The following POLA2 variants were observed in gnomAD, a reference collection of about 807,000 sequenced individuals.
POLA2 encodes the protein DNA polymerase alpha 2, accessory subunit.
POLA2 carries 47 observed loss-of-function variants against 82.8 expected under a neutral mutation model. That is an observed-to-expected ratio of 0.57 (90% CI 0.45 to 0.72). The LOEUF (loss-of-function observed/expected upper bound fraction) is 0.72, where lower values mean the gene tolerates loss of function less well. POLA2 is among the 30% of genes least tolerant of loss of function. The pLI is 0.00. For missense variants in POLA2, 634 were observed against 728.1 expected (o/e 0.87, Z 1.49); for synonymous variants, 287 against 286.8 (o/e 1.00, Z -0.01).
chr11:65,285,038 C>T (rs949183345), intron 10 of POLA2, among the ~76,000 whole-genome samples: 3 of 151,828 alleles, frequency 2.0e-5, no homozygotes, highest in South Asian at 2.1e-4. Context: ...CTCATGCTGG[C>T]GCAGGAGGAT....
Position 65,268,684 on chromosome 11 carries a change from A to C in POLA2, c.309A>C (p.Glu103Asp). 6.3e-7 allele frequency: 1 copy of C among 1,598,098 alleles called. No individual in the cohort carries two copies. Among genetic ancestry groups the C allele is most frequent in the Non-Finnish European group, 8.5e-7 (1 of 1,170,902 alleles). ...IVSIQELIEVEEEEEILLNSY... is the reference protein window; with the variant it reads ...IVSIQELIEVDEEEEILLNSY... ...CCAGTGTTCTTAGAATTGAAGTGGA[A>C]GAAGAAGAGGAAATCCTCTTGAACT... The change falls in exon 4 of 18, where the codon GAA becomes GAC. Residue 103 changes from glutamate (E) to aspartate (D), a missense_variant. Coordinates refer to ENST00000265465, the MANE Select transcript of POLA2 (RefSeq NM_002689.4).
At chr11:65,271,347 TC>T (rs1298043343) in intron 4 of POLA2, among the ~76,000 whole-genome samples, 2 of 152,180 alleles carry the variant, frequency 1.3e-5, no homozygotes, top group African/African-American at 2.4e-5. Flanking sequence ...GCTTCACAGA[TC>T]CAGAATTTTA....
rs4930289 is a variant in POLA2 at position 65,286,998 on chromosome 11, T to C, written c.1007-718T>C. 8.9e-3 allele frequency among the ~76,000 whole-genome samples: 1,359 copies of C among 152,252 alleles called. 51 individuals are homozygous for C. In the East Asian group the frequency reaches 0.1, roughly 12 times the overall value. Reference sequence around the variant, plus strand: ...CTCAGCTGGAATAGGTTAGCTCTAATCTTTTTTCTCTCCTTGGATCGTTCA... The same window carrying C: ...CTCAGCTGGAATAGGTTAGCTCTAACCTTTTTTCTCTCCTTGGATCGTTCA... On this transcript the variant is annotated intron_variant, in intron 10 of 17. Transcript: ENST00000265465.
At chr11:65,274,250 G>T (rs1425797394) in intron 4 of POLA2, among the ~76,000 whole-genome samples, 1 of 151,990 alleles carries the variant, frequency 6.6e-6, no homozygotes, top group Non-Finnish European at 1.5e-5. Context: ...TACTCAAGAG[G>T]CTGAGGCCAG....
intron 4 of POLA2, among the ~76,000 whole-genome samples, chr11:65,270,246 G>A (rs921179898): frequency 1.3e-5 from 2 of 152,242 alleles, no homozygotes; most frequent in Non-Finnish European, 2.9e-5. Flanking sequence ...GCTGGGTGCA[G>A]TGGCTCATGC....
chr11:65,302,257 C>T (rs554933458), downstream of POLA2, among the ~76,000 whole-genome samples: 5 of 152,318 alleles, frequency 3.3e-5, no homozygotes, highest in African/African-American at 1.2e-4. Flanking sequence ...TGAGCATTTT[C>T]GTGCTGAGTC....
intron 1 of POLA2, among the ~76,000 whole-genome samples, chr11:65,263,368 C>T (rs539012141): frequency 3.9e-5 from 6 of 151,936 alleles, no homozygotes; most frequent in Admixed American, 1.3e-4. Context: ...TACAGGCGCC[C>T]GCCACCAGGC....
At chr11:65,279,701 C>A in intron 7 of POLA2, 75 bp downstream of exon 7, 1 of 1,022,458 alleles carries the variant, frequency 9.8e-7, no homozygotes, top group Non-Finnish European at 1.5e-6. Context: ...ATCCTTCTTG[C>A]TTCCTTTTTC....
Position 65,264,713 on chromosome 11 carries a change from G to A in POLA2, c.80-1869G>A, listed in dbSNP as rs112610670. ...TCCTATTATAATGAATAAGCTTTCCGTATTCCTAGCAAAATCCAAGTCCTC... is the reference window on the plus strand; with the variant it reads ...TCCTATTATAATGAATAAGCTTTCCATATTCCTAGCAAAATCCAAGTCCTC... On this transcript the variant is annotated intron_variant, in intron 1 of 17. Coordinates refer to ENST00000265465, the MANE Select transcript of POLA2 (RefSeq NM_002689.4). Among the ~76,000 whole-genome samples the A allele has an allele frequency of 2.0e-3, 310 of 152,264 alleles. 2 individuals are homozygous for A. The highest frequency in any genetic ancestry group is 3.9e-3 in the Non-Finnish European group (264 of 68,022).
chr11:65,268,269 T>A (rs772763622), intron 3 of POLA2, among the ~76,000 whole-genome samples: 5 of 151,754 alleles, frequency 3.3e-5, no homozygotes, highest in Admixed American at 6.6e-5. Flanking sequence ...CCCATCTCAA[T>A]AATAATAATA....
At chr11:65,282,682 C>T (rs1949653890) in intron 10 of POLA2, among the ~76,000 whole-genome samples, 161 bp downstream of exon 10, 1 of 152,188 alleles carries the variant, frequency 6.6e-6, no homozygotes, top group South Asian at 2.1e-4. Context: ...TTTTTTGTCA[C>T]AAGACCCCTG....
intron 1 of POLA2, among the ~76,000 whole-genome samples, chr11:65,265,218 A>G (rs1212224883): frequency 6.9e-6 from 1 of 145,154 alleles, no homozygotes; most frequent in African/African-American, 2.6e-5. Context: ...ACAGAGTGCA[A>G]CTCTGTCTCC....
At chr11:65,287,293 C>A (rs1011531348) in intron 10 of POLA2, among the ~76,000 whole-genome samples, 1 of 152,258 alleles carries the variant, frequency 6.6e-6, no homozygotes, top group South Asian at 2.1e-4. Context: ...TCTTCAGTAC[C>A]CCACATTCTC....
downstream of POLA2, among the ~76,000 whole-genome samples, chr11:65,300,424 G>C (rs1949853494): frequency 6.7e-6 from 1 of 149,534 alleles, no homozygotes; most frequent in African/African-American, 2.6e-5. Context: ...TCAAACTCCT[G>C]ACCTCAGGGT....
intron 14 of POLA2, 60 bp downstream of exon 14, chr11:65,294,321 G>C: frequency 7.3e-7 from 1 of 1,371,328 alleles, no homozygotes; most frequent in Non-Finnish European, 1.0e-6. Context: ...TCTGCCACTA[G>C]CTCTGGCCCT....
chr11:65,281,670 G>T lies in POLA2; in HGVS notation c.901G>T (p.Val301Phe). 1 of 1,612,538 alleles carries T rather than the reference G, an allele frequency of 6.2e-7. No homozygotes were observed. The change falls in exon 9 of 18, where the codon GTT (valine) becomes TTT (phenylalanine). Residue 301 changes from valine to phenylalanine, a missense_variant and splice_region_variant. Val to Phe is a conservative substitution (Grantham distance 50). Transcript: ENST00000265465. ...AATCCTGTTTGTTTTTGTCTTTCAG[G>T]TTGTAATTATGGAAGGAATCAACAC... ...LKEYSLFPGQ[V>F]VIMEGINTTG...
At chr11:65,296,205 C>T in intron 17 of POLA2, 1 of 525,244 alleles carries the variant, frequency 1.9e-6, no homozygotes, top group Non-Finnish European at 3.5e-6. Flanking sequence ...CCTCTCCTCC[C>T]TCCCCAAGAG....
At chr11:65,268,563 C>T in intron 3 of POLA2, 109 bp from the exon 4 acceptor site, 3 of 674,260 alleles carry the variant, frequency 4.4e-6, no homozygotes, top group Non-Finnish European at 7.8e-6. Flanking sequence ...AGGATGGTCT[C>T]TGTCTCCTGA....
At chr11:65,272,438 T>G (rs1949531348) in intron 4 of POLA2, among the ~76,000 whole-genome samples, 1 of 152,214 alleles carries the variant, frequency 6.6e-6, no homozygotes, top group Non-Finnish European at 1.5e-5. Context: ...TGTCAGTGAT[T>G]TTAGCTTATC....
Sources: allele counts gnomAD v4.1 joint callset (sites outside exome capture counted in the v4.1 genomes callset), GRCh38; gene constraint gnomAD v4.1.1; transcripts MANE v1.5; gene names NCBI Gene and HGNC (gene_info 2026-07-23, HGNC 2026-07-21).